CCDC57: variants seen among roughly 807,000 people sequenced by gnomAD.
CCDC57 encodes the protein coiled-coil domain containing 57, also known as coiled-coil domain-containing protein 57.
CCDC57 carries 118 observed loss-of-function variants against 118.9 expected under a neutral mutation model. The observed-to-expected ratio is 0.99, with a 90% CI of 0.86 to 1.16. The LOEUF (loss-of-function observed/expected upper bound fraction) is 1.16, where lower values mean the gene tolerates loss of function less well. CCDC57 is among the 50% of genes most tolerant of loss of function. CCDC57 has a pLI of 0.00. For synonymous variants in CCDC57, 527 were observed against 532.9 expected, an observed-to-expected ratio of 0.99 and a Z score of 0.15; for missense variants, 1,300 against 1,320.7, an observed-to-expected ratio of 0.98 and a Z score of 0.24.
intron 13 of CCDC57, among the ~76,000 whole-genome samples, chr17:82,165,711 C>T (rs949612648): frequency 6.6e-6 from 1 of 152,128 alleles, no homozygotes; most frequent in African/African-American, 2.4e-5. Flanking sequence ...CGTGTAAAAC[C>T]AGCCAGAATC....
intron 19 of CCDC57, among the ~76,000 whole-genome samples, chr17:82,120,233 C>T (rs779731860): frequency 3.3e-5 from 5 of 151,772 alleles, no homozygotes; most frequent in South Asian, 2.1e-4. Context: ...TCAAGTGATC[C>T]GCCCACCTCA....
intron 15 of CCDC57, 103 bp downstream of exon 14, chr17:82,157,645 A>C: frequency 6.8e-7 from 1 of 1,471,572 alleles, no homozygotes; most frequent in Non-Finnish European, 9.0e-7. Flanking sequence ...GTCCCACCTG[A>C]GCTCCCAGGG....
intron 19 of CCDC57, among the ~76,000 whole-genome samples, chr17:82,106,876 C>A (rs1190279465): frequency 6.6e-6 from 1 of 152,288 alleles, no homozygotes; most frequent in East Asian, 1.9e-4. Context: ...GCCCATGGGG[C>A]CTTCCCAGGT....
intron 7 of CCDC57, among the ~76,000 whole-genome samples, chr17:82,191,153 T>C (rs2047630006): frequency 6.7e-6 from 1 of 149,392 alleles, no homozygotes; most frequent in Admixed American, 6.7e-5. Context: ...GGGTGCGGGG[T>C]GAAGGATTTC....
intron 10 of CCDC57, 48 bp downstream of exon 9, chr17:82,178,979 C>G: frequency 6.3e-7 from 1 of 1,595,652 alleles, no homozygotes; most frequent in Non-Finnish European, 8.5e-7. Flanking sequence ...CCAGCCCCAC[C>G]TCTGCAGAGA....
chr17:82,178,757 C>A (rs1004932639), intron 10 of CCDC57, among the ~76,000 whole-genome samples, 152 bp from the exon 10 acceptor site: 6 of 152,260 alleles, frequency 3.9e-5, no homozygotes, highest in African/African-American at 1.2e-4. Context: ...CCCATGCATA[C>A]CCCAGGCTGC....
intron 19 of CCDC57, among the ~76,000 whole-genome samples, chr17:82,110,233 G>A (rs968970339): frequency 2.6e-5 from 4 of 151,984 alleles, no homozygotes; most frequent in South Asian, 4.1e-4. Context: ...CACCCTCCTC[G>A]GCCTCCAAAA....
At chr17:82,179,081 G>C in exon 10 of CCDC57, 1 of 1,613,976 alleles carries the variant, frequency 6.2e-7, no homozygotes, top group Non-Finnish European at 8.5e-7. Flanking sequence ...TTTGGATCTG[G>C]TCCCTTTCAA....
chr17:82,140,216 G>T (rs1303431267), intron 16 of CCDC57, among the ~76,000 whole-genome samples: 2 of 152,132 alleles, frequency 1.3e-5, no homozygotes, highest in African/African-American at 4.8e-5. Flanking sequence ...CTCCCGAGTA[G>T]CTGGGACTAC....
chr17:82,175,257 C>T (rs548626131), intron 11 of CCDC57, among the ~76,000 whole-genome samples: 4 of 152,340 alleles, frequency 2.6e-5, no homozygotes, highest in South Asian at 2.1e-4. Flanking sequence ...AGTTACAGAG[C>T]GGGATACCGA....
intron 19 of CCDC57, chr17:82,126,833 T>C (rs890449255): frequency 8.8e-5 from 87 of 985,178 alleles, no homozygotes; most frequent in Non-Finnish European, 1.0e-4. Flanking sequence ...AAAATGCGCA[T>C]GAAGGAGAGA....
intron 11 of CCDC57, among the ~76,000 whole-genome samples, chr17:82,177,831 G>A (rs552008252): frequency 6.6e-6 from 1 of 152,310 alleles, no homozygotes; most frequent in East Asian, 1.9e-4. Context: ...AGGCCTGCGC[G>A]TTCTACTGTG....
At position 82,167,204 on chromosome 17, in the gene CCDC57, C is replaced by T. The variant is rs1231392404; in HGVS notation, c.1883-3847G>A. ...GCCCCAGAAGGAAAGAGTGTGGAGC[C>T]GAAAAAATTACTTGAAAAATAATGA... On this transcript the variant is annotated intron_variant, in intron 13 of 19. Coordinates refer to ENST00000665763, the Ensembl canonical transcript of CCDC57. 4.0e-5 allele frequency among the ~76,000 whole-genome samples: 6 copies of T among 151,274 alleles called. No individual in the cohort carries two copies. In the East Asian group the frequency reaches 5.8e-4, roughly 15 times the overall value.
At chr17:82,206,128 T>A (rs184766871) in intron 2 of CCDC57, among the ~76,000 whole-genome samples, 5 of 152,368 alleles carry the variant, frequency 3.3e-5, no homozygotes, top group Non-Finnish European at 7.4e-5. Context: ...AAGGCCTCGC[T>A]GTGCGTTCAC....
intron 19 of CCDC57, among the ~76,000 whole-genome samples, chr17:82,120,646 A>G (rs2036547978): frequency 6.6e-6 from 1 of 152,258 alleles, no homozygotes; most frequent in South Asian, 2.1e-4. Flanking sequence ...GCATCAAGAT[A>G]CTTCGCAGAT....
At chr17:82,143,150 CA>C (rs11324139) in intron 16 of CCDC57, among the ~76,000 whole-genome samples, 68,734 of 141,592 alleles carry the variant, frequency 0.49, 16,461 homozygotes, top group East Asian at 0.88. Flanking sequence ...GAAACTCCGT[CA>C]AAAAAAAAAA....
chr17:82,205,455 C>G lies in CCDC57; in HGVS notation c.-9+2392G>C, dbSNP rs150997739. Among the ~76,000 whole-genome samples, 336 of 152,330 alleles carry G rather than the reference C, an allele frequency of 2.2e-3. 2 individuals are homozygous for G. The highest frequency in any genetic ancestry group is 5.4e-3 in the Admixed American group (82 of 15,302). ...CCATTTTCAAAATAAAGTCCGATCT[C>G]CTTGGCACAGCGTATGAAGACAGAC... On this transcript the variant is annotated intron_variant, in intron 2 of 19. Coordinates refer to ENST00000665763, the Ensembl canonical transcript of CCDC57.
intron 2 of CCDC57, among the ~76,000 whole-genome samples, chr17:82,206,485 G>A (rs2049662746): frequency 6.6e-6 from 1 of 152,146 alleles, no homozygotes; most frequent in Admixed American, 6.5e-5. Flanking sequence ...GGGAAGGAAT[G>A]CTGACTTCAG....
chr17:82,151,195 AGGCG>A (rs1568275797), intron 16 of CCDC57, among the ~76,000 whole-genome samples: 1 of 54,058 alleles, frequency 1.8e-5, no homozygotes, highest in Non-Finnish European at 3.6e-5. Flanking sequence ...ACCCAGAACC[AGGCG>A]CACATCCAGA....
Sources: allele counts gnomAD v4.1 joint callset (sites outside exome capture counted in the v4.1 genomes callset), GRCh38; gene constraint gnomAD v4.1.1; transcripts MANE v1.5; gene names NCBI Gene and HGNC (gene_info 2026-07-23, HGNC 2026-07-21).